The following GOLGA4 variants were observed in gnomAD, a reference collection of about 807,000 sequenced individuals.
The protein encoded by GOLGA4 is golgin subfamily A member 4.
GOLGA4 carries 169 observed loss-of-function variants against 265.9 expected under a neutral mutation model. The observed-to-expected ratio is 0.64, with a 90% CI of 0.56 to 0.72. GOLGA4 has a LOEUF of 0.72. Ranked by LOEUF, GOLGA4 falls within the 30% of genes least tolerant of loss-of-function variation. GOLGA4 has a pLI of 0.00. For synonymous variants in GOLGA4, 923 were observed against 855.8 expected, an observed-to-expected ratio of 1.08 and a Z score of -1.37; for missense variants, 2,482 against 2,483.4, an observed-to-expected ratio of 1.00 and a Z score of 0.01.
intron 10 of GOLGA4, among the ~76,000 whole-genome samples, chr3:37,305,939 C>T (rs1488032800): frequency 6.6e-6 from 1 of 152,192 alleles, no homozygotes; most frequent in Admixed American, 6.5e-5. Context: ...AGCTGCTCCT[C>T]ATATTTTTTT....
In GOLGA4 at chr3:37,326,260, C is replaced by G; in HGVS notation, c.4374C>G (p.Asn1458Lys). 1 of 1,613,542 alleles carries G rather than the reference C, an allele frequency of 6.2e-7. No individual in the cohort carries two copies. The highest frequency in any genetic ancestry group is 8.5e-7 in the Non-Finnish European group (1 of 1,179,582). Residue 1458 changes from asparagine (N) to lysine (K), a missense_variant, in exon 14 of 24, where the codon AAC becomes AAG. Physicochemically the swap from Asn to Lys is moderately conservative, Grantham distance 94. Coordinates refer to ENST00000361924, the MANE Select transcript of GOLGA4 (RefSeq NM_002078.5). ...KAQSRFTQHQNTVKELQIQLE... is the reference protein window; with the variant it reads ...KAQSRFTQHQKTVKELQIQLE... ...AGTCAAGATTTACACAGCATCAAAA[C>G]ACTGTTAAAGAATTGCAGATCCAGC...
intron 2 of GOLGA4, chr3:37,275,637 G>C: frequency 1.3e-6 from 2 of 1,598,700 alleles, no homozygotes; most frequent in Non-Finnish European, 8.6e-7. Flanking sequence ...TTCCGCTCCA[G>C]CTTCGCCCAC....
intron 2 of GOLGA4, among the ~76,000 whole-genome samples, chr3:37,265,070 G>A (rs1443432395): frequency 6.6e-6 from 1 of 151,844 alleles, no homozygotes; most frequent in African/African-American, 2.4e-5. Flanking sequence ...GGTAATCTGT[G>A]ACATCCACAG....
intron 2 of GOLGA4, among the ~76,000 whole-genome samples, chr3:37,260,419 C>T (rs1215676931): frequency 1.3e-5 from 2 of 151,712 alleles, no homozygotes; most frequent in Admixed American, 6.6e-5. Context: ...GTCAGGAGTT[C>T]GAGACCAGCC....
chr3:37,349,040 C>G (rs2097065156), intron 21 of GOLGA4, among the ~76,000 whole-genome samples: 1 of 152,128 alleles, frequency 6.6e-6, no homozygotes, highest in Non-Finnish European at 1.5e-5. Flanking sequence ...GAGTAGTGCT[C>G]TCTCTCCTCT....
Position 37,326,598 on chromosome 3 carries a change from A to T in GOLGA4, c.4712A>T (p.Glu1571Val), listed in dbSNP as rs747084938. The T allele has an allele frequency of 3.1e-6, 5 of 1,613,416 alleles. No homozygotes were observed. The Admixed American group carries it at 8.3e-5, about 27-fold the overall frequency. Residue 1571 changes from glutamate (E) to valine (V), a missense_variant, in exon 14 of 24, where the codon GAG (glutamate) becomes GTG (valine). Glu to Val is a moderately radical substitution (Grantham distance 121). Transcript: ENST00000361924. ...GTTCAGAAACTTCAACATTTTCAAG[A>T]GTTAGGAGAAGAAAAGGACAACAGG... Reference protein sequence around the residue: ...ELVQKLQHFQELGEEKDNRVK... With the variant: ...ELVQKLQHFQVLGEEKDNRVK...
At chr3:37,351,081 G>C (rs984268381) in intron 21 of GOLGA4, among the ~76,000 whole-genome samples, 1 of 151,902 alleles carries the variant, frequency 6.6e-6, no homozygotes, top group Non-Finnish European at 1.5e-5. Flanking sequence ...TCAAAATTGC[G>C]GTCAGTTCTC....
intron 3 of GOLGA4, among the ~76,000 whole-genome samples, chr3:37,284,953 C>A (rs1222916252): frequency 2.0e-5 from 3 of 152,134 alleles, no homozygotes; most frequent in African/African-American, 7.2e-5. Context: ...GTGTGAGCCA[C>A]CATGCCTGGC....
intron 2 of GOLGA4, among the ~76,000 whole-genome samples, chr3:37,252,674 G>C (rs1009591203): frequency 1.3e-5 from 2 of 152,082 alleles, no homozygotes; most frequent in African/African-American, 2.4e-5. Flanking sequence ...TTTCATTTCA[G>C]CTGTTCTGGT....
At chr3:37,276,660 A>G (rs963334453) in intron 2 of GOLGA4, 8 of 1,421,362 alleles carry the variant, frequency 5.6e-6, no homozygotes, top group Non-Finnish European at 5.8e-6. Context: ...CTAGCTTTAA[A>G]CTAGGCCAAG....
At chr3:37,247,903 G>A (rs1184666540) in intron 1 of GOLGA4, among the ~76,000 whole-genome samples, 3 of 152,134 alleles carry the variant, frequency 2.0e-5, no homozygotes, top group African/African-American at 4.8e-5. Context: ...GCAGAAGTAC[G>A]TCCCTCTGCC....
In GOLGA4 at chr3:37,321,778, G is replaced by A; in HGVS notation, c.1593G>A (p.Gln531=). 1 of 1,611,940 alleles carries A rather than the reference G, an allele frequency of 6.2e-7. No individual in the cohort carries two copies. Residue 531 remains glutamine (Q), a synonymous_variant, in exon 13 of 24, where the codon CAG becomes CAA. Coordinates refer to ENST00000361924, the MANE Select transcript of GOLGA4 (RefSeq NM_002078.5). ...TGAAGATCAGCCAAGAAAAAGAACA[G>A]CAAGAATCTTTGGCCCTAGAAGAGT... is the stretch of plus-strand genomic sequence containing the variant. ...EYLKISQEKE[Q]QESLALEELE... is the part of the protein sequence containing the mutation.
chr3:37,246,277 A>G (rs1022586332), intron 1 of GOLGA4, among the ~76,000 whole-genome samples: 13 of 151,700 alleles, frequency 8.6e-5, no homozygotes, highest in Non-Finnish European at 1.9e-4. Context: ...ACTGCACTCC[A>G]GCCTGGGAGA....
intron 3 of GOLGA4, among the ~76,000 whole-genome samples, chr3:37,282,698 T>A (rs558149453): frequency 6.6e-6 from 1 of 152,348 alleles, no homozygotes; most frequent in African/African-American, 2.4e-5. Context: ...TAAAATTGTT[T>A]TAGGTAGCCT....
chr3:37,346,345 C>G (rs2097056243), intron 20 of GOLGA4, among the ~76,000 whole-genome samples: 1 of 151,948 alleles, frequency 6.6e-6, no homozygotes, highest in South Asian at 2.1e-4. Flanking sequence ...TATTATATTA[C>G]AACATAACTA....
chr3:37,343,805 G>A (rs1316077060), intron 20 of GOLGA4, among the ~76,000 whole-genome samples: 2 of 152,200 alleles, frequency 1.3e-5, no homozygotes, highest in African/African-American at 4.8e-5. Context: ...CATAAAGGAA[G>A]TTGTGTAATT....
intron 1 of GOLGA4, among the ~76,000 whole-genome samples, chr3:37,247,877 GCTTT>G (rs2096723698): frequency 1.3e-5 from 2 of 152,134 alleles, no homozygotes; most frequent in Non-Finnish European, 2.9e-5. Context: ...TAGGCATTTT[GCTTT>G]CTTTCAGGAC....
intron 5 of GOLGA4, 110 bp from the exon 6 acceptor site, chr3:37,294,869 T>C: frequency 1.6e-6 from 1 of 612,476 alleles, no homozygotes; most frequent in Admixed American, 2.8e-5. Flanking sequence ...TTATTGTTGC[T>C]GATACCTTAA....
At chr3:37,336,178 T>G (rs956237361) in intron 17 of GOLGA4, among the ~76,000 whole-genome samples, 1 of 152,218 alleles carries the variant, frequency 6.6e-6, no homozygotes, top group Non-Finnish European at 1.5e-5. Flanking sequence ...TCTGTTTCTT[T>G]AATAGCTAAG....
Sources: gnomAD v4.1 joint callset for allele counts (sites outside exome capture counted in the v4.1 genomes callset) on GRCh38, gnomAD v4.1.1 for gene constraint, MANE v1.5 for transcripts, NCBI Gene and HGNC (gene_info 2026-07-23, HGNC 2026-07-21) for gene names.